SACS: variants seen among roughly 807,000 people sequenced by gnomAD.
The protein encoded by SACS is sacsin.
SACS carries 197 observed loss-of-function variants against 348.0 expected under a neutral mutation model. The observed-to-expected ratio is 0.57, with a 90% confidence interval of 0.50 to 0.64. The LOEUF (loss-of-function observed/expected upper bound fraction) is 0.64. Ranked by LOEUF, SACS falls within the 30% of genes least tolerant of loss-of-function variation. The pLI, the probability that SACS is intolerant of heterozygous loss-of-function variation, is 0.00. For synonymous variants in SACS, 1,985 were observed against 1,910.6 expected (o/e 1.04, Z -1.02); for missense variants, 4,999 against 5,360.8 (o/e 0.93, Z 2.11).
chr13:23,330,182 G>T lies in SACS; in HGVS notation c.13694C>A (p.Ala4565Asp), dbSNP rs375722463. The change falls in exon 10 of 10, where the codon GCC (alanine) becomes GAC (aspartate). Residue 4565 changes from alanine to aspartate, a missense_variant. By Grantham distance (126) the Ala-to-Asp change is moderately radical. Transcript: ENST00000382292. Reference sequence around the variant, plus strand: ...ATTTTCAAGTTTTATTATGATACAGGCAGTACATTCCATCACCCTCATAGC... The same window carrying T: ...ATTTTCAAGTTTTATTATGATACAGTCAGTACATTCCATCACCCTCATAGC... ...EVAMRVMECT[A>D]CIIIKLENFM... 8.2e-5 allele frequency: 133 copies of T among 1,613,740 alleles called. No homozygotes were observed. Among genetic ancestry groups the T allele is most frequent in the Non-Finnish European group, 1.1e-4 (129 of 1,179,908 alleles).
In SACS at chr13:23,336,546, A is replaced by G; in HGVS notation, c.7330T>C (p.Cys2444Arg). 6.2e-7 allele frequency: 1 copy of G among 1,613,828 alleles called. No homozygotes were observed. The change falls in exon 10 of 10, where the codon TGT becomes CGT. Residue 2444 changes from cysteine (C) to arginine (R), a missense_variant. Physicochemically the swap from Cys to Arg is radical, Grantham distance 180. This residue lies in a region of SACS where 3,156 missense variants were observed against 3,380.1 expected (regional missense o/e 0.93). Coordinates refer to ENST00000382292, the MANE Select transcript of SACS (RefSeq NM_014363.6). The stretch of plus-strand genomic sequence containing the variant: ...AATATCTTGCCATAATTTTTCTCAC[A>G]AAATTCTTGTTTCTTTTCTCTAATG... ...SLIREKKQEF[C>R]EKNYGKILLP...
Position 23,335,002 on chromosome 13 carries a change from CT to C in SACS, c.8873del (p.Lys2958SerfsTer20), listed in dbSNP as rs765992922. 3.7e-6 allele frequency: 6 copies of C among 1,613,838 alleles called. No individual in the cohort carries two copies. The highest frequency in any genetic ancestry group is 1.3e-5 in the African/African-American group (1 of 75,014). On this transcript the variant is annotated frameshift_variant, in exon 10 of 10. Transcript: ENST00000382292. LOFTEE classifies it high-confidence loss of function. This position sits in a 1 kb window ranked among gnomAD's most constrained non-coding sequence, Gnocchi z 4.7. ...PIHVVKDTLK[K>X]FLSFFPVNRL... ...GGTTAACTGGGAAAAACGATAAAAA[CT>C]TCTTTAAAGTGTCCTTTACAACATG...
rs149057524 is a variant in SACS, at chr13:23,407,402, T to C, written c.20+3818A>G. On this transcript the variant is annotated intron_variant, in intron 2 of 9. Transcript: ENST00000382292. ...TTTTAGTAGAGACGGGGTTTCACCG[T>C]GTTAGCCAGGATGGTCTCCATCTCC... is the stretch of plus-strand genomic sequence containing the variant. Among the ~76,000 whole-genome samples the C allele has an allele frequency of 8.8e-3, 1,333 of 152,114 alleles. 17 individuals carry two copies. The highest frequency in any genetic ancestry group is 0.03 in the African/African-American group (1,264 of 41,488).
At chr13:23,390,243 T>C (rs1872477645) in intron 2 of SACS, among the ~76,000 whole-genome samples, 2 of 152,208 alleles carry the variant, frequency 1.3e-5, no homozygotes, top group Admixed American at 1.3e-4. Context: ...GAATAACTTA[T>C]AGTAAAGGTT....
chr13:23,331,344 G>A lies in SACS; in HGVS notation c.12532C>T (p.Pro4178Ser), dbSNP rs1436835359. 15 of 1,613,716 alleles carry A rather than the reference G, an allele frequency of 9.3e-6. No individual in the cohort carries two copies. Among genetic ancestry groups the A allele is most frequent in the Non-Finnish European group, 1.3e-5 (15 of 1,179,942 alleles). The change falls in exon 10 of 10, where the codon CCG becomes TCG. Residue 4178 changes from proline (P) to serine (S), a missense_variant. Physicochemically the swap from Pro to Ser is moderately conservative, Grantham distance 74. Around this residue, in one of 6 missense-constraint regions of SACS, gnomAD observed 831 missense variants for 941.8 expected, o/e 0.88. Coordinates refer to ENST00000382292, the MANE Select transcript of SACS (RefSeq NM_014363.6). ...LLMDPMNVFY[P>S]GEYVGYLVDA... ...ACAAGGTACCCAACATATTCTCCCG[G>A]GTAAAAAACATTCATTGGGTCCATA...
intron 9 of SACS, among the ~76,000 whole-genome samples, chr13:23,348,898 T>G (rs954447472): frequency 6.6e-6 from 1 of 152,160 alleles, no homozygotes; most frequent in African/African-American, 2.4e-5. Context: ...TCTGCTCTCA[T>G]GAAATATAGG....
chr13:23,368,563 G>C, intron 4 of SACS, 76 bp from the exon 5 acceptor site: 1 of 993,934 alleles, frequency 1.0e-6, no homozygotes, highest in Non-Finnish European at 1.6e-6. Context: ...ACTTGAATCT[G>C]AGACATCATA....
rs149993185 is a variant in SACS, at chr13:23,329,207, T to C, written c.*929A>G. 15 of 457,020 alleles carry C rather than the reference T, an allele frequency of 3.3e-5. No individual in the cohort carries two copies. The highest frequency in any genetic ancestry group is 4.9e-5 in the Non-Finnish European group (13 of 263,324). The allele number at this position is 457,020 out of a possible 1,614,324, so 28.3% of individuals were successfully genotyped here. A position where few individuals can be genotyped will look rare whatever the true frequency, so the allele number is the denominator to read the frequency against. ...TGATTTTAACAATTTTTGATGTTTT[T>C]AAAGTTAAAAAAACTCCACTACATG... is the stretch of plus-strand genomic sequence containing the variant. On this transcript the variant is annotated 3_prime_UTR_variant, in exon 10 of 10. Transcript: ENST00000382292.
rs1868502262 is a variant in SACS, at chr13:23,335,555, C to T, written c.8321G>A (p.Arg2774Lys). 1.2e-6 allele frequency: 2 copies of T among 1,613,718 alleles called. No individual in the cohort carries two copies. The highest frequency in any genetic ancestry group is 1.7e-5 in the Admixed American group (1 of 59,988). ...TGCATGAAATTGTTTCCTTTTCAAT[C>T]TGTCTCCATCTGTGATTTTGCCCTT... is the stretch of plus-strand genomic sequence containing the variant. ...SVKGKITDGD[R>K]LKRKQFHASV... The change falls in exon 10 of 10, where the codon AGA (arginine) becomes AAA (lysine). Residue 2774 changes from arginine to lysine, a missense_variant. This residue lies in a region of SACS where 3,156 missense variants were observed against 3,380.1 expected (regional missense o/e 0.93). Transcript: ENST00000382292. This position sits in a 1 kb window ranked among gnomAD's most constrained non-coding sequence, Gnocchi z 4.7.
chr13:23,382,244 C>G (rs1872087817), intron 2 of SACS, among the ~76,000 whole-genome samples: 1 of 151,474 alleles, frequency 6.6e-6, no homozygotes, highest in Admixed American at 6.6e-5. Flanking sequence ...ACCTCTGCCT[C>G]CCAGGCTCAA....
chr13:23,406,038 C>T (rs1284297687), intron 2 of SACS, among the ~76,000 whole-genome samples: 1 of 152,166 alleles, frequency 6.6e-6, no homozygotes. Flanking sequence ...TGGGTATATA[C>T]CCAAAGGATT....
chr13:23,433,196 T>C (rs1419180323), intron 1 of SACS, among the ~76,000 whole-genome samples: 1 of 152,194 alleles, frequency 6.6e-6, no homozygotes, highest in Admixed American at 6.5e-5. Flanking sequence ...AATAAGACTC[T>C]GGACCCCACG....
At chr13:23,396,681 T>C (rs1442852149) in intron 2 of SACS, among the ~76,000 whole-genome samples, 1 of 152,166 alleles carries the variant, frequency 6.6e-6, no homozygotes, top group Non-Finnish European at 1.5e-5. Flanking sequence ...AATCCACATA[T>C]TTAAATCTTT....
Position 23,374,605 on chromosome 13 carries a change from AC to A in SACS, c.171+513del, listed in dbSNP as rs763826864. Among the ~76,000 whole-genome samples the A allele has an allele frequency of 1.6e-3, 248 of 152,200 alleles. 2 individuals are homozygous for A. The highest frequency in any genetic ancestry group is 3.0e-3 in the Non-Finnish European group (202 of 68,036). The stretch of plus-strand genomic sequence containing the variant: ...TATTCTTGTTTTCCAAAATTTTCTG[AC>A]CTATCAAGTCAACCTATCACTTGAA... On this transcript the variant is annotated intron_variant, in intron 3 of 9. Transcript: ENST00000382292.
At position 23,340,875 on chromosome 13, in the gene SACS, T is replaced by A; in HGVS notation, c.3001A>T (p.Asn1001Tyr). 1 of 1,609,340 alleles carries A rather than the reference T, an allele frequency of 6.2e-7. No homozygotes were observed. Among genetic ancestry groups the A allele is most frequent in the Non-Finnish European group, 8.5e-7 (1 of 1,176,476 alleles). The change falls in exon 10 of 10, where the codon AAT becomes TAT. Residue 1001 changes from asparagine to tyrosine, a missense_variant. Physicochemically the swap from Asn to Tyr is moderately radical, Grantham distance 143. This residue lies in a region of SACS where 3,156 missense variants were observed against 3,380.1 expected (regional missense o/e 0.93). Coordinates refer to ENST00000382292, the MANE Select transcript of SACS (RefSeq NM_014363.6). The part of the protein sequence containing the change: ...CLKLVLKDIE[N>Y]AFYSHEEVTQ... ...ACCTCTTCATGTGAATAAAATGCAT[T>A]TTCAATATCTTTTAAAACAAGCTTT...
In SACS at chr13:23,331,747, T is replaced by G; in HGVS notation, c.12129A>C (p.Glu4043Asp). Reference sequence around the variant, plus strand: ...TTTCAAAGCAGGATACTTTCAATCCTTCTCTTAGGGCTTTGCAAAGTCTTA... The same window carrying G: ...TTTCAAAGCAGGATACTTTCAATCCGTCTCTTAGGGCTTTGCAAAGTCTTA... ...KAIRLCKALR[E>D]GLKVSCFEKL... Residue 4043 changes from glutamate to aspartate, a missense_variant, in exon 10 of 10, where the codon GAA becomes GAC. Coordinates refer to ENST00000382292, the MANE Select transcript of SACS (RefSeq NM_014363.6). The G allele has an allele frequency of 6.2e-7, 1 of 1,614,022 alleles. No homozygotes were observed. The highest frequency in any genetic ancestry group is 8.5e-7 in the Non-Finnish European group (1 of 1,179,960).
At chr13:23,363,547 A>C (rs751084926) in intron 6 of SACS, among the ~76,000 whole-genome samples, 5 of 152,190 alleles carry the variant, frequency 3.3e-5, no homozygotes. Flanking sequence ...TAAATTGGCC[A>C]CTTTTAAAGA....
At position 23,374,393 on chromosome 13, in the gene SACS, T is replaced by C. The variant is rs140896492; in HGVS notation, c.171+726A>G. 2.7e-3 allele frequency among the ~76,000 whole-genome samples: 412 copies of C among 152,362 alleles called. 2 individuals are homozygous for C. Among genetic ancestry groups the C allele is most frequent in the African/African-American group, 9.2e-3 (383 of 41,578 alleles). On this transcript the variant is annotated intron_variant, in intron 3 of 9. Transcript: ENST00000382292. Reference sequence around the variant, plus strand: ...AATGTCATCCTATACGCTCAAGTATTCCTTGTATTATCTGTTCAACTCTTT... The same window carrying C: ...AATGTCATCCTATACGCTCAAGTATCCCTTGTATTATCTGTTCAACTCTTT...
intron 9 of SACS, among the ~76,000 whole-genome samples, chr13:23,348,381 T>C (rs536488806): frequency 6.6e-6 from 1 of 152,268 alleles, no homozygotes; most frequent in Admixed American, 6.5e-5. Flanking sequence ...AGAAAGAGAT[T>C]TGCCTTTTGG....
Sources: gnomAD v4.1 joint callset for allele counts (sites outside exome capture counted in the v4.1 genomes callset) on GRCh38, gnomAD v4.1.1 for gene constraint, gnomAD v4.1.1 regional missense constraint, Gnocchi (gnomAD v3.1) non-coding constraint, MANE v1.5 for transcripts, NCBI Gene and HGNC (gene_info 2026-07-23, HGNC 2026-07-21) for gene names.